RANBP17: variants seen among roughly 807,000 people sequenced by gnomAD.
The protein encoded by RANBP17 is RAN binding protein 17.
RANBP17 carries 158 observed loss-of-function variants against 141.2 expected under a neutral mutation model. That is an observed-to-expected ratio of 1.12 (90% CI 0.98 to 1.28). The LOEUF is 1.28. RANBP17 is among the 50% of genes most tolerant of loss of function. The probability of loss-of-function intolerance (pLI) is 0.00; values close to 1 mark genes in which losing one functional copy is unlikely to be tolerated. For synonymous variants in RANBP17, 430 were observed against 450.0 expected, an observed-to-expected ratio of 0.96 and a Z score of 0.56; for missense variants, 1,438 against 1,290.7, an observed-to-expected ratio of 1.11 and a Z score of -1.75.
At chr5:171,131,017 A>G (rs965635095) in intron 14 of RANBP17, among the ~76,000 whole-genome samples, 1 of 152,210 alleles carries the variant, frequency 6.6e-6, no homozygotes, top group African/African-American at 2.4e-5. Flanking sequence ...TAACTCTAGC[A>G]ATAATAAGGG....
chr5:171,113,811 T>G lies in RANBP17; in HGVS notation c.1711-56319T>G, dbSNP rs541981547. Among the ~76,000 whole-genome samples the G allele has an allele frequency of 2.1e-3, 319 of 152,270 alleles. 1 individual carries two copies. The highest frequency in any genetic ancestry group is 7.5e-3 in the African/African-American group (312 of 41,564). ...GGAGTCAGTGAGATCAAAACTACTT[T>G]TAAAATAATGCTAGAATAATATTTA... On this transcript the variant is annotated intron_variant, in intron 14 of 27. Transcript: ENST00000523189.
chr5:171,158,647 T>C (rs1472172760), intron 14 of RANBP17, among the ~76,000 whole-genome samples: 2 of 152,146 alleles, frequency 1.3e-5, no homozygotes, highest in Non-Finnish European at 2.9e-5. Context: ...CTTAAGCCTT[T>C]GACCATTTAT....
chr5:171,291,268 C>T (rs1331323605), intron 25 of RANBP17, among the ~76,000 whole-genome samples: 2 of 152,154 alleles, frequency 1.3e-5, no homozygotes, highest in Non-Finnish European at 2.9e-5. Context: ...AATAGCTGCT[C>T]AGGGTAATGC....
intron 25 of RANBP17, among the ~76,000 whole-genome samples, chr5:171,273,045 C>G (rs1160541001): frequency 6.6e-6 from 1 of 152,188 alleles, no homozygotes; most frequent in Non-Finnish European, 1.5e-5. Flanking sequence ...CCCTTTGTGA[C>G]TTTTCTTTAA....
At chr5:170,924,140 G>T (rs1341434110) in intron 11 of RANBP17, among the ~76,000 whole-genome samples, 5 of 151,936 alleles carry the variant, frequency 3.3e-5, no homozygotes, top group African/African-American at 1.2e-4. Flanking sequence ...TGGGATTACA[G>T]GTGTGTGCCA....
intron 11 of RANBP17, among the ~76,000 whole-genome samples, chr5:170,923,822 A>G (rs1017941105): frequency 6.6e-6 from 1 of 152,044 alleles, no homozygotes; most frequent in Non-Finnish European, 1.5e-5. Flanking sequence ...AATACAGGTC[A>G]TTTTGTATAT....
chr5:171,199,680 G>A lies in RANBP17; in HGVS notation c.2049G>A (p.Glu683=), dbSNP rs1388548554. 1.9e-6 allele frequency: 3 copies of A among 1,605,742 alleles called. No individual in the cohort carries two copies. The highest frequency in any genetic ancestry group is 2.6e-6 in the Non-Finnish European group (3 of 1,173,944). ...TTGTTTCTCTGATAGGTGAAGATGA[G>A]GATGAATTTGAGAATTTCATGCTGC... ...RLLMVDLGED[E]DEFENFMLPL... is the part of the protein sequence containing the mutation. The change falls in exon 19 of 28, where the codon GAG becomes GAA. Residue 683 remains glutamate, a synonymous_variant. Coordinates refer to ENST00000523189, the MANE Select transcript of RANBP17 (RefSeq NM_022897.5).
chr5:171,262,721 A>ATTATTGGTG (rs1766414576), intron 24 of RANBP17, among the ~76,000 whole-genome samples: 1 of 152,168 alleles, frequency 6.6e-6, no homozygotes, highest in Non-Finnish European at 1.5e-5. Context: ...TATTAGTGCT[A>ATTATTGGTG]CAGAACACTG....
At chr5:170,907,461 T>C (rs2127414817) in intron 5 of RANBP17, among the ~76,000 whole-genome samples, 1 of 152,126 alleles carries the variant, frequency 6.6e-6, no homozygotes, top group Admixed American at 6.5e-5. Flanking sequence ...TACATATTGT[T>C]ACCTGTAAAG....
intron 20 of RANBP17, among the ~76,000 whole-genome samples, chr5:171,209,559 G>A (rs1044480426): frequency 6.6e-6 from 1 of 152,094 alleles, no homozygotes; most frequent in Non-Finnish European, 1.5e-5. Context: ...TTGCTCTTTA[G>A]AAGCCCACTC....
rs1769450655 is a variant in RANBP17, at chr5:170,889,803, C to T, written c.257-2584C>T. Among the ~76,000 whole-genome samples the T allele has an allele frequency of 2.0e-5, 3 of 152,054 alleles. No homozygotes were observed. The South Asian group carries it at 6.2e-4, about 32-fold the overall frequency. On this transcript the variant is annotated intron_variant, in intron 3 of 27. Coordinates refer to ENST00000523189, the MANE Select transcript of RANBP17 (RefSeq NM_022897.5). ...TCCCATGTATCTTCCCAAACATTTC[C>T]ATTTCTTCTTAGTATGGCTTTTCTC...
intron 21 of RANBP17, among the ~76,000 whole-genome samples, chr5:171,220,529 A>C (rs1462711268): frequency 1.4e-5 from 2 of 141,050 alleles, no homozygotes; most frequent in South Asian, 2.3e-4. Flanking sequence ...ACTCATTGCA[A>C]CCTCCACCTC....
At chr5:171,248,740 C>A in intron 24 of RANBP17, among the ~76,000 whole-genome samples, 1 of 152,132 alleles carries the variant, frequency 6.6e-6, no homozygotes, top group East Asian at 1.9e-4. Flanking sequence ...AAACCACAGC[C>A]CTTGTATCTC....
chr5:171,061,732 C>T (rs1272936932), intron 14 of RANBP17, among the ~76,000 whole-genome samples: 1 of 152,110 alleles, frequency 6.6e-6, no homozygotes, highest in Non-Finnish European at 1.5e-5. Context: ...AACTTTCTCT[C>T]TCATTGATCT....
intron 23 of RANBP17, 128 bp downstream of exon 23, chr5:171,241,270 G>T: frequency 6.3e-6 from 4 of 632,104 alleles, no homozygotes; most frequent in East Asian, 2.8e-5. Flanking sequence ...CAGCATACTT[G>T]ATCTAACTTA....
At chr5:171,220,931 G>C (rs1337788864) in intron 21 of RANBP17, among the ~76,000 whole-genome samples, 1 of 152,110 alleles carries the variant, frequency 6.6e-6, no homozygotes, top group African/African-American at 2.4e-5. Flanking sequence ...GGTAATCATT[G>C]TACTTAATAC....
intron 12 of RANBP17, among the ~76,000 whole-genome samples, chr5:170,941,816 A>G (rs988570935): frequency 5.9e-5 from 9 of 152,340 alleles, no homozygotes; most frequent in African/African-American, 1.9e-4. Flanking sequence ...GGGAGTATAA[A>G]GTGGAATCAG....
intron 14 of RANBP17, among the ~76,000 whole-genome samples, chr5:171,067,566 G>A (rs1784385591): frequency 6.6e-6 from 1 of 152,036 alleles, no homozygotes; most frequent in Non-Finnish European, 1.5e-5. Flanking sequence ...GGGCTAGTCT[G>A]TTAGTAATGG....
intron 7 of RANBP17, chr5:170,911,444 G>A (rs2127422279): frequency 4.7e-6 from 3 of 642,288 alleles, no homozygotes; most frequent in South Asian, 3.3e-5. Flanking sequence ...AACAGAGTGG[G>A]ACAGGATCCC....
Sources: gnomAD v4.1 joint callset for allele counts (sites outside exome capture counted in the v4.1 genomes callset) on GRCh38, gnomAD v4.1.1 for gene constraint, MANE v1.5 for transcripts, NCBI Gene and HGNC (gene_info 2026-07-23, HGNC 2026-07-21) for gene names.